The following ARMC2 variants were observed in gnomAD, a reference collection of about 807,000 sequenced individuals.
The protein encoded by ARMC2 is armadillo repeat-containing protein 2.
Under a neutral mutation model 90.3 loss-of-function variants are expected in ARMC2, and 67 were observed. That is an observed-to-expected ratio of 0.74 (90% CI 0.61 to 0.91). The LOEUF (loss-of-function observed/expected upper bound fraction) is 0.91. ARMC2 is among the 40% of genes least tolerant of loss of function. ARMC2 has a pLI of 0.00. For synonymous variants in ARMC2, 393 were observed against 393.0 expected (o/e 1.00, Z 0.00); for missense variants, 920 against 1,030.9 (o/e 0.89, Z 1.47).
Position 108,953,414 on chromosome 6 carries a change from T to C in ARMC2, c.1915+63T>C. 8 of 1,476,412 alleles carry C rather than the reference T, an allele frequency of 5.4e-6. 1 individual carries two copies. In the South Asian group the frequency reaches 1.0e-4, roughly 19 times the overall value. 91.5% of individuals were successfully genotyped at this position (1,476,412 alleles called of 1,614,324 possible). The stretch of plus-strand genomic sequence containing the variant: ...CAACTTTCCCGCGGCCCAAAGACAG[T>C]TCTGTGTCTGTGGTGTGATGAGGAT... On this transcript the variant is annotated intron_variant, in intron 13 of 17. Coordinates refer to ENST00000392644, the MANE Select transcript of ARMC2 (RefSeq NM_032131.6).
At chr6:108,922,318 G>A (rs1488210753) in intron 10 of ARMC2, among the ~76,000 whole-genome samples, 1 of 151,900 alleles carries the variant, frequency 6.6e-6, no homozygotes, top group Non-Finnish European at 1.5e-5. Flanking sequence ...TCAGGTTGGA[G>A]TGCGGTGGTG....
chr6:108,980,376 G>A, the ARMC2 span, among the ~76,000 whole-genome samples: 2 of 152,108 alleles, frequency 1.3e-5, no homozygotes, highest in Non-Finnish European at 2.9e-5. Flanking sequence ...TTGTCCCAGA[G>A]GGGTACCTGC....
intron 3 of ARMC2, among the ~76,000 whole-genome samples, chr6:108,858,974 C>T (rs1331938869): frequency 6.6e-6 from 1 of 152,210 alleles, no homozygotes; most frequent in Non-Finnish European, 1.5e-5. Flanking sequence ...TCTATCCCCA[C>T]TATTACTCCC....
At chr6:109,025,011 A>C in the ARMC2 span, among the ~76,000 whole-genome samples, 1 of 152,146 alleles carries the variant, frequency 6.6e-6, no homozygotes, top group African/African-American at 2.4e-5. Context: ...GTGAGCACTA[A>C]GGCTGGCAGC....
intron 5 of ARMC2, among the ~76,000 whole-genome samples, chr6:108,883,548 T>A (rs1777793850): frequency 6.6e-6 from 1 of 152,246 alleles, no homozygotes; most frequent in Non-Finnish European, 1.5e-5. Flanking sequence ...ACTTTCATAA[T>A]GGGGAATAGA....
intron 17 of ARMC2, among the ~76,000 whole-genome samples, chr6:108,966,479 G>GTGTTGTAACACCGTGCTAC (rs1491282298): frequency 1.3e-5 from 2 of 152,036 alleles, no homozygotes; most frequent in Admixed American, 6.5e-5. Flanking sequence ...AACTCTTTAA[G>GTGTTGTAACACCGTGCTAC]TGTTGTAACA....
At chr6:109,009,560 G>GGCGGGAC in the ARMC2 span, 1 of 1,121,024 alleles carries the variant, frequency 8.9e-7, no homozygotes, top group Non-Finnish European at 1.1e-6. Flanking sequence ...GACGGCGGGG[G>GGCGGGAC]GGCGGGGCGG....
In ARMC2 at chr6:108,966,324, G is replaced by A. The variant is rs955329842; in HGVS notation, c.2446+1184G>A. On this transcript the variant is annotated intron_variant, in intron 17 of 17. Transcript: ENST00000392644. The stretch of plus-strand genomic sequence containing the variant: ...CTTTTAAAAACACAGATTATCAGCC[G>A]TTCCGAAATGATATTTTATCATCTC... 3.6e-4 allele frequency among the ~76,000 whole-genome samples: 54 copies of A among 152,034 alleles called. 1 individual carries two copies. The highest frequency in any genetic ancestry group is 3.0e-3 in the Admixed American group (46 of 15,260).
At position 108,869,462 on chromosome 6, in the gene ARMC2, C is replaced by T. The variant is rs1001064091; in HGVS notation, c.463+467C>T. Among the ~76,000 whole-genome samples, 8 of 152,006 alleles carry T rather than the reference C, an allele frequency of 5.3e-5. No homozygotes were observed. The East Asian group carries it at 5.8e-4, about 11-fold the overall frequency. ...GGTGGAGGTTGCAGTGAGCTGAGAT[C>T]GTGCCACTGCACCCCAGCGTGGGTG... On this transcript the variant is annotated intron_variant, in intron 4 of 17. Transcript: ENST00000392644.
At chr6:108,936,351 A>T (rs571290195) in intron 11 of ARMC2, among the ~76,000 whole-genome samples, 18 of 152,160 alleles carry the variant, frequency 1.2e-4, no homozygotes, top group African/African-American at 3.6e-4. Context: ...CTGCCTCCTG[A>T]GTTCAAGCAG....
chr6:108,882,553 T>G (rs1385323986), intron 5 of ARMC2, among the ~76,000 whole-genome samples: 1 of 148,202 alleles, frequency 6.7e-6, no homozygotes, highest in Non-Finnish European at 1.5e-5. Flanking sequence ...AAAAAAGAAA[T>G]GAAAGAAAAA....
intron 17 of ARMC2, among the ~76,000 whole-genome samples, chr6:108,971,416 C>T (rs1778756688): frequency 1.3e-5 from 2 of 152,266 alleles, no homozygotes; most frequent in Admixed American, 6.5e-5. Context: ...CTGCCTGGAG[C>T]TTATCTCAGA....
At chr6:108,983,089 T>C in the ARMC2 span, among the ~76,000 whole-genome samples, 9 of 152,306 alleles carry the variant, frequency 5.9e-5, no homozygotes, top group South Asian at 2.1e-4. Flanking sequence ...ACTGCTGGGA[T>C]TACAGGCATG....
chr6:108,973,542 G>C lies in ARMC2; in HGVS notation c.*28G>C. 1.3e-6 allele frequency: 2 copies of C among 1,573,442 alleles called. No homozygotes were observed. Among genetic ancestry groups the C allele is most frequent in the Non-Finnish European group, 1.7e-6 (2 of 1,154,854 alleles). ...TGATGCAGATTAACAGTAGAAACGA[G>C]AACTCACGTCTCCCTCATTCTTAAG... On this transcript the variant is annotated 3_prime_UTR_variant, in exon 18 of 18. Transcript: ENST00000392644.
the ARMC2 span, among the ~76,000 whole-genome samples, chr6:109,040,999 G>A: frequency 7.8e-3 from 1,190 of 151,952 alleles, 21 homozygotes; most frequent in African/African-American, 0.028. Flanking sequence ...TTTACAGAGT[G>A]TGCATCATTT....
chr6:108,974,751 T>C (rs1189013075), downstream of ARMC2, among the ~76,000 whole-genome samples: 1 of 152,018 alleles, frequency 6.6e-6, no homozygotes, highest in Non-Finnish European at 1.5e-5. Flanking sequence ...AGAGCAGGCA[T>C]CCCAGACTGA....
At chr6:108,858,159 T>C in intron 2 of ARMC2, 40 bp from the exon 3 acceptor site, 1 of 1,512,404 alleles carries the variant, frequency 6.6e-7, no homozygotes, top group Non-Finnish European at 9.1e-7. Context: ...AAAGAAATAA[T>C]TCTTCACAAA....
chr6:109,029,720 CAG>C, the ARMC2 span, among the ~76,000 whole-genome samples: 1 of 152,032 alleles, frequency 6.6e-6, no homozygotes, highest in African/African-American at 2.4e-5. Flanking sequence ...TTTGTAGAGA[CAG>C]AGTCTTGCCA....
chr6:108,929,444 GATTTA>G (rs2128487405), intron 11 of ARMC2, among the ~76,000 whole-genome samples: 1 of 152,206 alleles, frequency 6.6e-6, no homozygotes, highest in East Asian at 1.9e-4. Flanking sequence ...TACTATTACA[GATTTA>G]ATTTGAGTTT....
Sources: allele counts gnomAD v4.1 joint callset (sites outside exome capture counted in the v4.1 genomes callset), GRCh38; gene constraint gnomAD v4.1.1; transcripts MANE v1.5; gene names NCBI Gene and HGNC (gene_info 2026-07-23, HGNC 2026-07-21).